The following PACRG variants were observed in gnomAD, a reference collection of about 807,000 sequenced individuals.
PACRG encodes the protein parkin coregulated.
Under a neutral mutation model 29.7 loss-of-function variants are expected in PACRG, and 29 were observed. The ratio of observed to expected loss-of-function variants is 0.98; its 90% CI spans 0.73 to 1.33. The LOEUF (loss-of-function observed/expected upper bound fraction) is 1.33. Ranked by LOEUF, PACRG falls within the 40% of genes most tolerant of loss-of-function variation. PACRG has a pLI of 0.00. For missense variants in PACRG, 279 were observed against 316.2 expected, an observed-to-expected ratio of 0.88 and a Z score of 0.89; for synonymous variants, 116 against 118.7, an observed-to-expected ratio of 0.98 and a Z score of 0.15.
intron 4 of PACRG, among the ~76,000 whole-genome samples, chr6:163,104,362 A>G (rs1815266123): frequency 6.6e-6 from 1 of 152,172 alleles, no homozygotes; most frequent in Non-Finnish European, 1.5e-5. Flanking sequence ...TCTCAGAGTT[A>G]TGGATAAAAT....
intron 2 of PACRG, among the ~76,000 whole-genome samples, chr6:162,846,652 C>A (rs561203056): frequency 6.6e-6 from 1 of 152,344 alleles, no homozygotes; most frequent in African/African-American, 2.4e-5. Context: ...CCTCCAGTGG[C>A]TGTTTTATCA....
chr6:162,938,716 G>A (rs1432163367), intron 2 of PACRG, among the ~76,000 whole-genome samples: 5 of 152,086 alleles, frequency 3.3e-5, no homozygotes, highest in African/African-American at 1.2e-4. Context: ...AGGTGGCATT[G>A]CATTGTGGTT....
At chr6:163,210,097 C>T (rs1018951457) in intron 4 of PACRG, among the ~76,000 whole-genome samples, 16 of 152,296 alleles carry the variant, frequency 1.1e-4, no homozygotes, top group Admixed American at 2.6e-4. Flanking sequence ...ATGAGAGTCA[C>T]GGCCTACGCT....
chr6:163,242,180 A>G (rs981417557), intron 4 of PACRG, among the ~76,000 whole-genome samples: 1 of 152,224 alleles, frequency 6.6e-6, no homozygotes, highest in African/African-American at 2.4e-5. Context: ...ACAACCAAAG[A>G]TCTTTTCTCT....
chr6:162,870,988 T>C (rs1280176864), intron 2 of PACRG, among the ~76,000 whole-genome samples: 1 of 152,176 alleles, frequency 6.6e-6, no homozygotes, highest in Non-Finnish European at 1.5e-5. Context: ...GCCTGTGGTA[T>C]CATAGAATGT....
intron 4 of PACRG, among the ~76,000 whole-genome samples, chr6:163,250,883 G>GTATATATATATATATATA (rs368878258): frequency 4.6e-4 from 63 of 138,092 alleles, no homozygotes; most frequent in African/African-American, 1.6e-3. Flanking sequence ...AGAAATTGTT[G>GTATATATATATATATATA]TATATATATA....
chr6:162,906,745 G>T (rs1795960597), intron 2 of PACRG, among the ~76,000 whole-genome samples: 1 of 152,158 alleles, frequency 6.6e-6, no homozygotes, highest in Non-Finnish European at 1.5e-5. Context: ...TTTCTTTAGG[G>T]AACTGACATA....
intron 4 of PACRG, among the ~76,000 whole-genome samples, chr6:163,134,013 C>T (rs1001071220): frequency 6.6e-6 from 1 of 152,180 alleles, no homozygotes; most frequent in Non-Finnish European, 1.5e-5. Flanking sequence ...GCAGACATGT[C>T]GCATAAAACC....
chr6:162,791,268 A>G (rs569962516), intron 1 of PACRG, among the ~76,000 whole-genome samples: 3 of 132,068 alleles, frequency 2.3e-5, no homozygotes, highest in East Asian at 4.5e-4. Context: ...TTGTGGGTAT[A>G]TTTGCTCTCT....
intron 2 of PACRG, among the ~76,000 whole-genome samples, chr6:162,877,596 G>GA (rs71642398): frequency 1.7e-3 from 231 of 138,786 alleles, no homozygotes; most frequent in African/African-American, 5.5e-3. Flanking sequence ...ATAAAAAAAA[G>GA]AAAAAAAAAA....
intron 4 of PACRG, among the ~76,000 whole-genome samples, chr6:163,224,829 A>T (rs1781725284): frequency 6.6e-6 from 1 of 152,228 alleles, no homozygotes. Flanking sequence ...CAGGCAACAA[A>T]AGCAAAACTA....
chr6:162,753,386 A>G (rs1265118232), intron 1 of PACRG, among the ~76,000 whole-genome samples: 1 of 152,116 alleles, frequency 6.6e-6, no homozygotes, highest in Admixed American at 6.6e-5. Flanking sequence ...AATTTCATGT[A>G]GCATAGTGTC....
chr6:163,265,423 C>G (rs996906260), intron 4 of PACRG, among the ~76,000 whole-genome samples: 1 of 151,978 alleles, frequency 6.6e-6, no homozygotes, highest in Non-Finnish European at 1.5e-5. Flanking sequence ...TCTTCGGGCC[C>G]GTGGGTATTT....
At chr6:162,894,720 T>G (rs1795035752) in intron 2 of PACRG, among the ~76,000 whole-genome samples, 1 of 152,232 alleles carries the variant, frequency 6.6e-6, no homozygotes, top group South Asian at 2.1e-4. Context: ...TTTGTTGATT[T>G]GGAACTCTTT....
At chr6:163,014,813 C>G (rs1805943279) in intron 2 of PACRG, among the ~76,000 whole-genome samples, 1 of 151,996 alleles carries the variant, frequency 6.6e-6, no homozygotes, top group South Asian at 2.1e-4. Flanking sequence ...GTTTACTCTG[C>G]TGATAGTTTC....
At position 162,845,999 on chromosome 6, in the gene PACRG, C is replaced by T. The variant is rs561831413; in HGVS notation, c.291+31718C>T. On this transcript the variant is annotated intron_variant, in intron 2 of 4. Transcript: ENST00000366888. ...ATGCAGGAAAAGTAGGAGGGTAAGG[C>T]GGAGAGGAGGAAGGGAGCCAGTGAC... is the stretch of plus-strand genomic sequence containing the variant. Among the ~76,000 whole-genome samples the T allele has an allele frequency of 2.5e-3, 379 of 152,124 alleles. 1 individual carries two copies. Among genetic ancestry groups the T allele is most frequent in the African/African-American group, 8.6e-3 (356 of 41,526 alleles).
chr6:163,152,676 C>A (rs529506759), intron 4 of PACRG, among the ~76,000 whole-genome samples: 1 of 152,294 alleles, frequency 6.6e-6, no homozygotes, highest in South Asian at 2.1e-4. Context: ...GAAATATGTA[C>A]AGATGAAGGA....
At chr6:163,105,810 A>G (rs1815350803) in intron 4 of PACRG, among the ~76,000 whole-genome samples, 1 of 152,158 alleles carries the variant, frequency 6.6e-6, no homozygotes, top group Non-Finnish European at 1.5e-5. Flanking sequence ...TTAAACATTG[A>G]TGCATTCTTA....
chr6:162,804,754 A>G (rs914012070), intron 1 of PACRG, among the ~76,000 whole-genome samples: 2 of 152,160 alleles, frequency 1.3e-5, no homozygotes, highest in African/African-American at 4.8e-5. Flanking sequence ...TTTCCCTGCC[A>G]GCCATTGTTG....
Sources: gnomAD v4.1 joint callset for allele counts (sites outside exome capture counted in the v4.1 genomes callset) on GRCh38, gnomAD v4.1.1 for gene constraint, MANE v1.5 for transcripts, NCBI Gene and HGNC (gene_info 2026-07-23, HGNC 2026-07-21) for gene names.